Variants in BAZ2B observed in about 807,000 individuals in gnomAD.
BAZ2B encodes the protein bromodomain adjacent to zinc finger domain protein 2B.
BAZ2B carries 91 observed loss-of-function variants against 246.0 expected under a neutral mutation model. The observed-to-expected ratio is 0.37, with a 90% confidence interval of 0.31 to 0.44. The LOEUF is 0.44. Ranked by LOEUF, BAZ2B falls within the 20% of genes least tolerant of loss-of-function variation. The pLI is 1.00. For synonymous variants in BAZ2B, 855 were observed against 860.0 expected (o/e 0.99, Z 0.10); for missense variants, 2,332 against 2,533.7 (o/e 0.92, Z 1.71).
intron 25 of BAZ2B, among the ~76,000 whole-genome samples, chr2:159,375,277 G>C (rs759600977): frequency 3.3e-5 from 5 of 152,166 alleles, no homozygotes; most frequent in Admixed American, 1.3e-4. Flanking sequence ...GGGTCTCAAA[G>C]AGAGGTAGTG....
At chr2:159,493,733 T>C (rs1264804605) in intron 2 of BAZ2B, among the ~76,000 whole-genome samples, 2 of 152,218 alleles carry the variant, frequency 1.3e-5, no homozygotes, top group African/African-American at 4.8e-5. Flanking sequence ...CATTACATCT[T>C]TCATTACTTC....
chr2:159,674,336 G>GAAA, the BAZ2B span, among the ~76,000 whole-genome samples: 7 of 122,994 alleles, frequency 5.7e-5, no homozygotes, highest in Non-Finnish European at 8.4e-5. Context: ...CTCTGTCTCA[G>GAAA]AAAAAAAAAA....
intron 6 of BAZ2B, among the ~76,000 whole-genome samples, chr2:159,441,718 TA>T (rs1559435228): frequency 3.9e-5 from 6 of 152,328 alleles, no homozygotes; most frequent in Non-Finnish European, 7.4e-5. Flanking sequence ...GGTGCTTTCA[TA>T]GCTCACTGCA....
intron 30 of BAZ2B, 37 bp downstream of exon 30, chr2:159,348,641 G>A: frequency 6.4e-7 from 1 of 1,560,126 alleles, no homozygotes; most frequent in Admixed American, 2.1e-5. Flanking sequence ...TCATAACTAA[G>A]CAAGAAAGAA....
chr2:159,703,595 AATTTTGGGCCAGGC>A, the BAZ2B span, among the ~76,000 whole-genome samples: 2 of 152,212 alleles, frequency 1.3e-5, no homozygotes, highest in Admixed American at 6.5e-5. Flanking sequence ...ATTAAAATTC[AATTTTGGGCCAGGC>A]ATGGTGGCCT....
At chr2:159,481,420 TA>T (rs1159587898) in intron 2 of BAZ2B, among the ~76,000 whole-genome samples, 2 of 150,482 alleles carry the variant, frequency 1.3e-5, no homozygotes, top group African/African-American at 4.9e-5. Context: ...TAAAGTATAA[TA>T]AAAAATATAT....
At chr2:159,417,471 A>G (rs2067956562) in intron 13 of BAZ2B, among the ~76,000 whole-genome samples, 1 of 152,126 alleles carries the variant, frequency 6.6e-6, no homozygotes, top group African/African-American at 2.4e-5. Context: ...AAGCCTGGAC[A>G]AGATTATGTT....
At chr2:159,347,710 T>C (rs1013337362) in intron 30 of BAZ2B, 64 bp from the exon 31 acceptor site, 1 of 1,352,600 alleles carries the variant, frequency 7.4e-7, no homozygotes, top group African/African-American at 1.5e-5. Flanking sequence ...AGAGACCTCT[T>C]CCAGAAAGTG....
In BAZ2B at chr2:159,345,792, G is replaced by A. The variant is rs78897046; in HGVS notation, c.5454+1694C>T. Among the ~76,000 whole-genome samples the A allele has an allele frequency of 9.0e-3, 1,375 of 152,312 alleles. 17 individuals carry two copies. The highest frequency in any genetic ancestry group is 0.031 in the African/African-American group (1,308 of 41,574). On this transcript the variant is annotated intron_variant, in intron 31 of 36. Transcript: ENST00000392783. ...GGACAACCACAGACTATAGAAAGTA[G>A]ATGTAGCAGTTTTAAAACCAAAGCA...
At chr2:159,653,552 G>A in the BAZ2B span, among the ~76,000 whole-genome samples, 1 of 151,948 alleles carries the variant, frequency 6.6e-6, no homozygotes, top group Non-Finnish European at 1.5e-5. Flanking sequence ...GTCTTTGCTC[G>A]GCACCCTAGA....
chr2:159,621,423 A>G (rs145713481), upstream of BAZ2B, among the ~76,000 whole-genome samples: 47 of 152,356 alleles, frequency 3.1e-4, no homozygotes, highest in African/African-American at 1.1e-3. Flanking sequence ...TTGTTAAAAA[A>G]TTCAGTTGGA....
chr2:159,423,947 A>C (rs1171002982), intron 13 of BAZ2B, among the ~76,000 whole-genome samples: 1 of 151,954 alleles, frequency 6.6e-6, no homozygotes, highest in African/African-American at 2.4e-5. Flanking sequence ...TGCACACTGA[A>C]CCTCAGTGAT....
Position 159,433,172 on chromosome 2 carries a change from A to G in BAZ2B, c.1485T>C (p.Asn495=), listed in dbSNP as rs771591246. Residue 495 remains asparagine (N), a synonymous_variant, in exon 9 of 37, where the codon AAT becomes AAC. Transcript: ENST00000392783. Reference sequence around the variant, plus strand: ...CTTGAATGACACTTTGAATAACTCCATTTGGTTGGTGATTACCTAAAAGTG... The same window carrying G: ...CTTGAATGACACTTTGAATAACTCCGTTTGGTTGGTGATTACCTAAAAGTG... ...TNALLGNHQP[N]GVIQSVIQEA... 1.2e-6 allele frequency: 2 copies of G among 1,614,184 alleles called. No individual in the cohort carries two copies.
At chr2:159,710,343 G>A in the BAZ2B span, among the ~76,000 whole-genome samples, 1 of 151,856 alleles carries the variant, frequency 6.6e-6, no homozygotes, top group Non-Finnish European at 1.5e-5. Flanking sequence ...CAAGTAGCAG[G>A]GACTACAGGC....
At chr2:159,365,735 G>A (rs149191296) in intron 27 of BAZ2B, among the ~76,000 whole-genome samples, 1 of 152,306 alleles carries the variant, frequency 6.6e-6, no homozygotes, top group East Asian at 1.9e-4. Flanking sequence ...GTGAGAAAGT[G>A]CAACTCCTGC....
At chr2:159,327,680 T>C (rs2063915218) in intron 34 of BAZ2B, among the ~76,000 whole-genome samples, 1 of 152,224 alleles carries the variant, frequency 6.6e-6, no homozygotes, top group African/African-American at 2.4e-5. Context: ...GAGCTGGAAT[T>C]ATGAATAGTG....
chr2:159,660,235 C>A, the BAZ2B span, among the ~76,000 whole-genome samples: 1 of 152,128 alleles, frequency 6.6e-6, no homozygotes, highest in Non-Finnish European at 1.5e-5. Context: ...TCATTTTTGG[C>A]TTATTTCACT....
chr2:159,428,142 C>A lies in BAZ2B; in HGVS notation c.2365-100G>T. 3 of 1,199,424 alleles carry A rather than the reference C, an allele frequency of 2.5e-6. No homozygotes were observed. Among genetic ancestry groups the A allele is most frequent in the Non-Finnish European group, 3.6e-6 (3 of 830,178 alleles). The allele number at this position is 1,199,424 out of a possible 1,614,324, so 74.3% of individuals were successfully genotyped here. On this transcript the variant is annotated intron_variant, in intron 12 of 36. Coordinates refer to ENST00000392783, the MANE Select transcript of BAZ2B (RefSeq NM_013450.4). Reference sequence around the variant, plus strand: ...GACACTAATGTTTTGCATATTCTATCAAGGGGCTCTAAATTTATAGGAGAT... The same window carrying A: ...GACACTAATGTTTTGCATATTCTATAAAGGGGCTCTAAATTTATAGGAGAT...
chr2:159,537,571 CCTT>C (rs2086163186), intron 2 of BAZ2B, among the ~76,000 whole-genome samples: 1 of 152,176 alleles, frequency 6.6e-6, no homozygotes. Flanking sequence ...ATAACTATAA[CCTT>C]CTTCTTCCCT....
Sources: gnomAD v4.1 joint callset for allele counts (sites outside exome capture counted in the v4.1 genomes callset) on GRCh38, gnomAD v4.1.1 for gene constraint, MANE v1.5 for transcripts, NCBI Gene and HGNC (gene_info 2026-07-23, HGNC 2026-07-21) for gene names.